The following ZNF831 variants were observed in gnomAD, a reference collection of about 807,000 sequenced individuals.
The protein encoded by ZNF831 is chromosome 20 open reading frame 174.
A neutral mutation model predicts 95.8 loss-of-function variants in ZNF831; 59 were observed. That is an observed-to-expected ratio of 0.62 (90% CI 0.50 to 0.77). The LOEUF is 0.77. ZNF831 is among the 30% of genes least tolerant of loss of function. The probability of loss-of-function intolerance (pLI) is 0.00; values close to 1 mark genes in which losing one functional copy is unlikely to be tolerated. For missense variants in ZNF831, 2,205 were observed against 2,164.0 expected (o/e 1.02, Z -0.38); for synonymous variants, 961 against 925.5 (o/e 1.04, Z -0.70).
intron 1 of ZNF831, among the ~76,000 whole-genome samples, chr20:59,182,160 C>T (rs1982671775): frequency 6.6e-6 from 1 of 152,152 alleles, no homozygotes; most frequent in South Asian, 2.1e-4. Context: ...TGGCTTAGGG[C>T]ATGTGTAGAC....
chr20:59,209,102 G>A (rs998872049), intron 4 of ZNF831, among the ~76,000 whole-genome samples: 31 of 152,282 alleles, frequency 2.0e-4, no homozygotes, highest in Non-Finnish European at 3.7e-4. Flanking sequence ...AGATGCCACC[G>A]GGAACGACAT....
chr20:59,147,953 G>A (rs985103542), intron 2 of ZNF831, among the ~76,000 whole-genome samples: 2 of 152,200 alleles, frequency 1.3e-5, no homozygotes, highest in Non-Finnish European at 2.9e-5. Context: ...CCAAGGCCAC[G>A]TGGCAGCACA....
chr20:59,211,256 C>T (rs1985312478), intron 4 of ZNF831, among the ~76,000 whole-genome samples: 1 of 152,288 alleles, frequency 6.6e-6, no homozygotes, highest in East Asian at 1.9e-4. Context: ...GTTATTTGAG[C>T]ATCCAGTTGA....
At chr20:59,207,109 C>T (rs1984951591) in intron 4 of ZNF831, 53 bp downstream of exon 4, 11 of 1,594,450 alleles carry the variant, frequency 6.9e-6, no homozygotes, top group Middle Eastern at 1.8e-4. Context: ...GGCACCCGCC[C>T]AAGGCATAGA....
chr20:59,251,620 G>A (rs1164924239), intron 4 of ZNF831, among the ~76,000 whole-genome samples: 2 of 152,204 alleles, frequency 1.3e-5, no homozygotes, highest in Admixed American at 6.5e-5. Flanking sequence ...TCAGCACAGC[G>A]GGGATGAAGG....
chr20:59,240,759 G>A (rs969976809), intron 4 of ZNF831, among the ~76,000 whole-genome samples: 5 of 152,058 alleles, frequency 3.3e-5, no homozygotes, highest in Admixed American at 3.3e-4. Flanking sequence ...CCAAGATGGC[G>A]CCACTGCACT....
At chr20:59,159,763 C>T (rs1980746666), upstream of ZNF831, 1 of 152,408 alleles carries the variant, frequency 6.6e-6, no homozygotes. Context: ...GCGTGCCTCC[C>T]CGAGGCAGGG....
intron 4 of ZNF831, among the ~76,000 whole-genome samples, chr20:59,211,789 G>A (rs1985352267): frequency 6.6e-6 from 1 of 151,778 alleles, no homozygotes; most frequent in Non-Finnish European, 1.5e-5. Flanking sequence ...TTGTGTGTGT[G>A]TGTGTGTGTG....
intron 3 of ZNF831, among the ~76,000 whole-genome samples, chr20:59,199,052 C>CA (rs1251070630): frequency 8.6e-6 from 1 of 116,460 alleles, no homozygotes; most frequent in Admixed American, 9.6e-5. Context: ...CCCACCCACC[C>CA]ACCCACCCAT....
chr20:59,145,201 C>T (rs1462641763), intron 1 of ZNF831, among the ~76,000 whole-genome samples: 1 of 152,186 alleles, frequency 6.6e-6, no homozygotes, highest in African/African-American at 2.4e-5. Context: ...GACCCTTTCC[C>T]CACATGTATC....
At chr20:59,203,837 C>T (rs186048249) in intron 3 of ZNF831, among the ~76,000 whole-genome samples, 133 of 152,174 alleles carry the variant, frequency 8.7e-4, no homozygotes, top group East Asian at 7.5e-3. Flanking sequence ...AATGGAAAAA[C>T]GCAGAAAATT....
At chr20:59,137,111 T>C (rs1409595895) in intron 1 of ZNF831, among the ~76,000 whole-genome samples, 1 of 152,196 alleles carries the variant, frequency 6.6e-6, no homozygotes, top group East Asian at 1.9e-4. Flanking sequence ...CTCTGGACTG[T>C]CTGTGTTGTG....
chr20:59,138,781 C>A (rs1463016921), intron 1 of ZNF831, among the ~76,000 whole-genome samples: 2 of 152,156 alleles, frequency 1.3e-5, no homozygotes, highest in Non-Finnish European at 2.9e-5. Context: ...GCTTATGGAC[C>A]TGAAGTATAA....
At chr20:59,229,209 G>T (rs1390435685) in intron 4 of ZNF831, among the ~76,000 whole-genome samples, 1 of 152,184 alleles carries the variant, frequency 6.6e-6, no homozygotes, top group Non-Finnish European at 1.5e-5. Context: ...ATTCATCCAG[G>T]TATGGGCTCT....
At chr20:59,162,561 A>G (rs1980939644), upstream of ZNF831, among the ~76,000 whole-genome samples, 2 of 151,976 alleles carry the variant, frequency 1.3e-5, no homozygotes, top group Admixed American at 6.6e-5. Context: ...CCTTTCTTTC[A>G]CTGTTTATTT....
In ZNF831 at chr20:59,217,772, T is replaced by C. The variant is rs925044048; in HGVS notation, c.4027+10716T>C. On this transcript the variant is annotated intron_variant, in intron 4 of 5. Coordinates refer to ENST00000371030, the MANE Select transcript of ZNF831 (RefSeq NM_178457.3). The surrounding 1 kb of genome is among the most constrained non-coding windows in gnomAD (Gnocchi z 4.4). The stretch of plus-strand genomic sequence containing the variant: ...ACATGGAGGGACGATAAGACTCGTT[T>C]ATTTATTTATTTATTTTTTTAAATC... Among the ~76,000 whole-genome samples, 3 of 152,148 alleles carry C rather than the reference T, an allele frequency of 2.0e-5. No homozygotes were observed. Among genetic ancestry groups the C allele is most frequent in the African/African-American group, 7.2e-5 (3 of 41,442 alleles).
Position 59,257,790 on chromosome 20 carries a change from A to G in ZNF831, c.*3047A>G, listed in dbSNP as rs1988251238. The G allele has an allele frequency of 6.6e-6, 1 of 152,208 alleles. No individual in the cohort carries two copies. Among genetic ancestry groups the G allele is most frequent in the Non-Finnish European group, 1.5e-5 (1 of 68,034 alleles). The allele number at this position is 152,208 out of a possible 1,614,324, so 9.4% of individuals were successfully genotyped here. On this transcript the variant is annotated 3_prime_UTR_variant, in exon 6 of 6. Coordinates refer to ENST00000371030, the MANE Select transcript of ZNF831 (RefSeq NM_178457.3). ...GATGCCTCAGTTTCTTCCACAGAGA[A>G]TAGTTAGAGGGATGCTGTCATGAAC...
At chr20:59,156,810 G>T (rs1980567882) in intron 2 of ZNF831, among the ~76,000 whole-genome samples, 1 of 152,160 alleles carries the variant, frequency 6.6e-6, no homozygotes, top group Non-Finnish European at 1.5e-5. Context: ...AACGTCCTCT[G>T]GGCCCCTCTG....
intron 1 of ZNF831, among the ~76,000 whole-genome samples, chr20:59,170,058 A>G (rs1368569257): frequency 6.6e-6 from 1 of 151,770 alleles, no homozygotes; most frequent in Non-Finnish European, 1.5e-5. Flanking sequence ...CTTTCCTTTT[A>G]CTACAGTCAA....
Sources: allele counts gnomAD v4.1 joint callset (sites outside exome capture counted in the v4.1 genomes callset), GRCh38; gene constraint gnomAD v4.1.1; non-coding constraint Gnocchi (gnomAD v3.1); transcripts MANE v1.5; gene names NCBI Gene and HGNC (gene_info 2026-07-23, HGNC 2026-07-21).